Variants in RIMS1 observed in about 807,000 individuals in gnomAD.
The protein encoded by RIMS1 is regulating synaptic membrane exocytosis protein 1.
RIMS1 carries 83 observed loss-of-function variants against 214.1 expected under a neutral mutation model. That is an observed-to-expected ratio of 0.39 (90% CI 0.32 to 0.47). The LOEUF is 0.47. Ranked by LOEUF, RIMS1 falls within the 20% of genes least tolerant of loss-of-function variation. The pLI, the probability that RIMS1 is intolerant of heterozygous loss-of-function variation, is 0.99. For synonymous variants in RIMS1, 793 were observed against 786.8 expected (o/e 1.01, Z -0.13); for missense variants, 2,050 against 2,161.8 (o/e 0.95, Z 1.03).
chr6:72,039,206 A>G (rs1585422406), intron 2 of RIMS1, among the ~76,000 whole-genome samples: 2 of 152,076 alleles, frequency 1.3e-5, no homozygotes, highest in African/African-American at 2.4e-5. Context: ...TTAGCAACAT[A>G]CCTGTTTCAA....
chr6:72,263,225 GTA>G, intron 19 of RIMS1: 1 of 984,866 alleles, frequency 1.0e-6, no homozygotes, highest in Non-Finnish European at 1.2e-6. Flanking sequence ...AAAGAAATCT[GTA>G]TGTTTAGTTT....
In RIMS1 at chr6:72,125,437, G is replaced by A. The variant is rs143144351; in HGVS notation, c.471+25451G>A. ...GTGTCTCCCAGTTAGGCTGCACAGG[G>A]GTCAGGGACCCACTTGAGGAGGCAG... On this transcript the variant is annotated intron_variant, in intron 4 of 33. Transcript: ENST00000521978. Among the ~76,000 whole-genome samples the A allele has an allele frequency of 3.4e-3, 523 of 152,280 alleles. 3 individuals carry two copies. The highest frequency in any genetic ancestry group is 0.012 in the African/African-American group (500 of 41,562).
chr6:72,165,907 C>A (rs371394069), intron 4 of RIMS1, among the ~76,000 whole-genome samples: 1 of 152,132 alleles, frequency 6.6e-6, no homozygotes, highest in African/African-American at 2.4e-5. Flanking sequence ...GGGGAACTGG[C>A]ACCTTAACAA....
chr6:72,324,687 G>A (rs1156270301), intron 28 of RIMS1, among the ~76,000 whole-genome samples: 1 of 151,906 alleles, frequency 6.6e-6, no homozygotes, highest in Non-Finnish European at 1.5e-5. Context: ...ACGATAGTAA[G>A]TTTTTCAATT....
At chr6:72,276,636 C>A (rs951752334) in intron 23 of RIMS1, among the ~76,000 whole-genome samples, 10 of 151,726 alleles carry the variant, frequency 6.6e-5, no homozygotes, top group Non-Finnish European at 1.0e-4. Context: ...CTATGTTCGA[C>A]CAAAATAAAT....
intron 6 of RIMS1, among the ~76,000 whole-genome samples, chr6:72,192,474 T>A (rs2050225673): frequency 6.6e-6 from 1 of 152,244 alleles, no homozygotes; most frequent in South Asian, 2.1e-4. Flanking sequence ...GTCTCAGGTC[T>A]GGAAATTGAT....
Position 72,251,280 on chromosome 6 carries a change from T to C in RIMS1, c.2610T>C (p.His870=). ...CGCATTGGTATAAACTTCAGACACA[T>C]GATGAGTCTTCACTACCTCTGCCTC... ...DEPHWYKLQT[H]DESSLPLPQP... Residue 870 remains histidine (H), a synonymous_variant, in exon 15 of 34, where the codon CAT becomes CAC. Transcript: ENST00000521978. The C allele has an allele frequency of 1.3e-6, 2 of 1,598,930 alleles. No individual in the cohort carries two copies. The highest frequency in any genetic ancestry group is 3.3e-4 in the Middle Eastern group (2 of 6,048).
intron 1 of RIMS1, among the ~76,000 whole-genome samples, chr6:71,934,061 T>C (rs185842922): frequency 1.3e-5 from 2 of 152,184 alleles, no homozygotes; most frequent in East Asian, 3.9e-4. Flanking sequence ...GGCAGTACAG[T>C]TTTAAGTTCT....
intron 21 of RIMS1, among the ~76,000 whole-genome samples, chr6:72,265,736 A>G (rs1348038658): frequency 3.3e-5 from 5 of 152,160 alleles, no homozygotes; most frequent in Admixed American, 2.6e-4. Context: ...TTTAAAAATT[A>G]TGCAAAGCAA....
intron 4 of RIMS1, among the ~76,000 whole-genome samples, chr6:72,128,377 C>T (rs2039933844): frequency 6.6e-6 from 1 of 151,858 alleles, no homozygotes; most frequent in South Asian, 2.1e-4. Flanking sequence ...CACTTCCTTC[C>T]CCTCCCCTCC....
intron 6 of RIMS1, among the ~76,000 whole-genome samples, chr6:72,194,879 T>A (rs960711242): frequency 2.0e-5 from 3 of 152,080 alleles, no homozygotes; most frequent in Non-Finnish European, 2.9e-5. Flanking sequence ...GTGAGAAAAA[T>A]TGGGCATCTC....
intron 28 of RIMS1, among the ~76,000 whole-genome samples, chr6:72,324,558 A>G (rs1321609871): frequency 6.6e-6 from 1 of 152,022 alleles, no homozygotes; most frequent in Non-Finnish European, 1.5e-5. Context: ...GGATGGAACT[A>G]CATCTGTATC....
chr6:72,040,894 TA>T (rs1371056929), intron 2 of RIMS1, among the ~76,000 whole-genome samples: 1 of 151,830 alleles, frequency 6.6e-6, no homozygotes. Context: ...TAATATGGTT[TA>T]AAAAATATTT....
At chr6:72,125,035 G>T (rs918933070) in intron 4 of RIMS1, among the ~76,000 whole-genome samples, 10 of 152,174 alleles carry the variant, frequency 6.6e-5, no homozygotes, top group African/African-American at 2.4e-4. Flanking sequence ...GTGAGGAGCT[G>T]CAGTCCTTTG....
chr6:72,329,638 G>C (rs1007244409), intron 28 of RIMS1, among the ~76,000 whole-genome samples: 3 of 150,034 alleles, frequency 2.0e-5, no homozygotes, highest in African/African-American at 7.4e-5. Flanking sequence ...CTTCTGTAGA[G>C]AGTCAAATGA....
chr6:72,090,077 G>A (rs1208470637), intron 2 of RIMS1, among the ~76,000 whole-genome samples: 9 of 150,274 alleles, frequency 6.0e-5, no homozygotes, highest in Non-Finnish European at 8.9e-5. Flanking sequence ...GCTAGATGAC[G>A]AGTTAGTGGG....
intron 1 of RIMS1, among the ~76,000 whole-genome samples, chr6:71,932,754 G>A (rs888192450): frequency 1.3e-5 from 2 of 152,066 alleles, no homozygotes; most frequent in Non-Finnish European, 2.9e-5. Flanking sequence ...GGAACTATAG[G>A]CATGTATTAT....
chr6:72,161,991 T>C (rs1401458760), intron 4 of RIMS1, among the ~76,000 whole-genome samples: 1 of 140,670 alleles, frequency 7.1e-6, no homozygotes, highest in Admixed American at 7.3e-5. Flanking sequence ...AGTGGGGTGT[T>C]AAATCTCCCA....
chr6:71,986,067 A>T (rs1799847742), intron 2 of RIMS1, among the ~76,000 whole-genome samples: 1 of 151,958 alleles, frequency 6.6e-6, no homozygotes, highest in Admixed American at 6.6e-5. Flanking sequence ...TACAGTTAAT[A>T]TTTTTTTCAT....
Sources: gnomAD v4.1 joint callset for allele counts (sites outside exome capture counted in the v4.1 genomes callset) on GRCh38, gnomAD v4.1.1 for gene constraint, MANE v1.5 for transcripts, NCBI Gene and HGNC (gene_info 2026-07-23, HGNC 2026-07-21) for gene names.